VAV2: variants seen among roughly 807,000 people sequenced by gnomAD.
VAV2 encodes the protein guanine nucleotide exchange factor VAV2.
A neutral mutation model predicts 132.5 loss-of-function variants in VAV2; 67 were observed. The ratio of observed to expected loss-of-function variants is 0.51; its 90% confidence interval spans 0.42 to 0.62. The LOEUF is 0.62. VAV2 is among the 20% of genes least tolerant of loss of function. The probability of loss-of-function intolerance (pLI) is 0.00; values close to 1 mark genes in which losing one functional copy is unlikely to be tolerated. For synonymous variants in VAV2, 492 were observed against 443.5 expected, an observed-to-expected ratio of 1.11 and a Z score of -1.37; for missense variants, 938 against 1,153.6, an observed-to-expected ratio of 0.81 and a Z score of 2.71.
intron 1 of VAV2, among the ~76,000 whole-genome samples, chr9:133,968,694 G>A (rs1455381026): frequency 1.3e-5 from 2 of 152,200 alleles, no homozygotes; most frequent in Non-Finnish European, 2.9e-5. Flanking sequence ...GGGAGAGAGA[G>A]CCACCATCGG....
chr9:133,803,465 G>C (rs1835017555), intron 9 of VAV2, among the ~76,000 whole-genome samples: 1 of 151,518 alleles, frequency 6.6e-6, no homozygotes, highest in Non-Finnish European at 1.5e-5. Context: ...AGCCTGGCCA[G>C]ACCCAGCCAC....
rs1837343949 is a variant in VAV2 at position 133,855,307 on chromosome 9, G to GGAGCCTCCGGCTGA, written c.380+6053_380+6066dup. On this transcript the variant is annotated intron_variant, in intron 3 of 29. Transcript: ENST00000371850. ...GCAGAGTCTGCCAAGGCCCATTCAC[G>GGAGCCTCCGGCTGA]GAGCCTCCGGCTGAGATGTCTCACA... Among the ~76,000 whole-genome samples, 3 of 152,352 alleles carry GGAGCCTCCGGCTGA rather than the reference G, an allele frequency of 2.0e-5. No individual in the cohort carries two copies. The East Asian group carries it at 5.8e-4, about 29-fold the overall frequency.
intron 2 of VAV2, among the ~76,000 whole-genome samples, chr9:133,910,833 AAAAAGAAAAAG>A (rs1839858144): frequency 7.6e-6 from 1 of 132,408 alleles, no homozygotes; most frequent in African/African-American, 3.5e-5. Context: ...CAAAAAAAAA[AAAAAGAAAAAG>A]AAAAAGAAAA....
At position 133,802,508 on chromosome 9, in the gene VAV2, T is replaced by G. The variant is rs575075949; in HGVS notation, c.836+3573A>C. ...GGACATGGCCCCAAAGGTCTCAGTG[T>G]GGTCACCTTGCAAGGCACGGCCCGC... On this transcript the variant is annotated intron_variant, in intron 9 of 29. Transcript: ENST00000371850. The surrounding 1 kb of genome is among the most constrained non-coding windows in gnomAD (Gnocchi z 5.8). 1.3e-5 allele frequency among the ~76,000 whole-genome samples: 2 copies of G among 152,016 alleles called. No individual in the cohort carries two copies. The highest frequency in any genetic ancestry group is 4.2e-4 in the South Asian group (2 of 4,806).
In VAV2 at chr9:133,957,063, C is replaced by T. The variant is rs181608660; in HGVS notation, c.205-17844G>A. 1.6e-3 allele frequency among the ~76,000 whole-genome samples: 237 copies of T among 152,290 alleles called. No individual in the cohort carries two copies. In the Middle Eastern group the frequency reaches 0.02, roughly 13 times the overall value. Reference sequence around the variant, plus strand: ...GGGGTACCCAGGACTCTCTCCAACGCCACCAGTGTCTCTCTGGTTCCTCAC... The same window carrying T: ...GGGGTACCCAGGACTCTCTCCAACGTCACCAGTGTCTCTCTGGTTCCTCAC... On this transcript the variant is annotated intron_variant, in intron 1 of 29. Coordinates refer to ENST00000371850, the MANE Select transcript of VAV2 (RefSeq NM_001134398.2).
chr9:133,906,101 A>G (rs1028833418), intron 2 of VAV2, among the ~76,000 whole-genome samples: 2 of 152,176 alleles, frequency 1.3e-5, no homozygotes, highest in Non-Finnish European at 2.9e-5. Context: ...GACCTTCCAG[A>G]CGGTAAGTCT....
intron 3 of VAV2, among the ~76,000 whole-genome samples, chr9:133,848,001 G>C (rs1295848467): frequency 6.6e-6 from 1 of 152,204 alleles, no homozygotes; most frequent in Admixed American, 6.5e-5. Flanking sequence ...CAATGGGCCA[G>C]ACGCGGTAGC....
intron 2 of VAV2, among the ~76,000 whole-genome samples, chr9:133,871,436 T>TGGATG (rs1554796203): frequency 0.014 from 1,907 of 135,488 alleles, 31 homozygotes; most frequent in Middle Eastern, 0.02. Flanking sequence ...ATGGATGGAT[T>TGGATG]GATTGATGGA....
At chr9:133,906,628 G>A (rs1169015629) in intron 2 of VAV2, among the ~76,000 whole-genome samples, 1 of 152,130 alleles carries the variant, frequency 6.6e-6, no homozygotes, top group African/African-American at 2.4e-5. Flanking sequence ...GAGGCCAAGA[G>A]ACTGACCCCA....
At chr9:133,972,370 C>T (rs937668052) in intron 1 of VAV2, among the ~76,000 whole-genome samples, 3 of 152,200 alleles carry the variant, frequency 2.0e-5, no homozygotes, top group Non-Finnish European at 4.4e-5. Flanking sequence ...CCAGGCGCTG[C>T]GATGCTGGGG....
rs60239881 is a variant in VAV2, at chr9:133,943,265, T to C, written c.205-4046A>G. 5.0e-3 allele frequency among the ~76,000 whole-genome samples: 759 copies of C among 152,302 alleles called. 9 individuals are homozygous for C. The highest frequency in any genetic ancestry group is 0.017 in the African/African-American group (704 of 41,560). On this transcript the variant is annotated intron_variant, in intron 1 of 29. Transcript: ENST00000371850. ...AGGTCCAGGTTCTAGACAGAGACCC[T>C]GACGGTTGGCAGGGACCGGACCCAA...
At chr9:133,825,528 G>A (rs1004208556) in intron 4 of VAV2, among the ~76,000 whole-genome samples, 1 of 152,180 alleles carries the variant, frequency 6.6e-6, no homozygotes, top group Non-Finnish European at 1.5e-5. Context: ...AACATAAGGT[G>A]TCCCAAACCC....
rs957228059 is a variant in VAV2 at position 133,879,342 on chromosome 9, G to A, written c.322-17910C>T. Among the ~76,000 whole-genome samples the A allele has an allele frequency of 6.6e-6, 1 of 152,126 alleles. No homozygotes were observed. The highest frequency in any genetic ancestry group is 2.4e-5 in the African/African-American group (1 of 41,424). On this transcript the variant is annotated intron_variant, in intron 2 of 29. Coordinates refer to ENST00000371850, the MANE Select transcript of VAV2 (RefSeq NM_001134398.2). The surrounding 1 kb of genome is among the most constrained non-coding windows in gnomAD (Gnocchi z 4.4). ...GATCAATGCCGCAGGGTAAAGAACA[G>A]AGCAGCTGGGAAGCAGGGGAGTCCA... is the stretch of plus-strand genomic sequence containing the variant.
At chr9:133,845,603 G>A (rs1251600825) in intron 3 of VAV2, among the ~76,000 whole-genome samples, 2 of 152,210 alleles carry the variant, frequency 1.3e-5, no homozygotes, top group Non-Finnish European at 2.9e-5. Context: ...GGTGGCCGAG[G>A]CCTTGGCAGT....
rs1168963554 is a variant in VAV2, at chr9:133,806,142, C to T, written c.775G>A (p.Asp259Asn). ...CTGCCCCCCACCATCACGGACACGT[C>T]GATGGCCCTCAGGAAGCTGTGATGC... ...KVHHSFLRAI[D>N]VSVMVGGSTL... Residue 259 changes from aspartate (D) to asparagine (N), a missense_variant, in exon 9 of 30, where the codon GAC (aspartate) becomes AAC (asparagine). By Grantham distance (23) the Asp-to-Asn change is conservative. Transcript: ENST00000371850. 2.5e-6 allele frequency: 4 copies of T among 1,612,838 alleles called. No individual in the cohort carries two copies. The African/African-American group carries it at 4.0e-5, about 16-fold the overall frequency.
chr9:133,818,131 G>A (rs1053012634), intron 4 of VAV2, among the ~76,000 whole-genome samples: 6 of 152,134 alleles, frequency 3.9e-5, no homozygotes, highest in African/African-American at 7.2e-5. Context: ...TTGGGGGGCC[G>A]AGGTGGGCAG....
At chr9:133,874,557 C>T (rs1464934533) in intron 2 of VAV2, among the ~76,000 whole-genome samples, 1 of 152,194 alleles carries the variant, frequency 6.6e-6, no homozygotes, top group African/African-American at 2.4e-5. Context: ...AAGAATCCCA[C>T]AGGAAGCTCA....
intron 2 of VAV2, among the ~76,000 whole-genome samples, chr9:133,908,079 C>T (rs803437): frequency 0.55 from 67,285 of 123,088 alleles, 19,470 homozygotes; most frequent in East Asian, 0.71. Flanking sequence ...TCTGCCTTCC[C>T]CCAGAGAGTG....
In VAV2 at chr9:133,768,588, G is replaced by T; in HGVS notation, c.2443C>A (p.Pro815Thr). 1 of 1,613,740 alleles carries T rather than the reference G, an allele frequency of 6.2e-7. No individual in the cohort carries two copies. The highest frequency in any genetic ancestry group is 8.5e-7 in the Non-Finnish European group (1 of 1,179,898). Residue 815 changes from proline to threonine, a missense_variant, in exon 29 of 30, where the codon CCC (proline) becomes ACC (threonine). Physicochemically the swap from Pro to Thr is conservative, Grantham distance 38. Coordinates refer to ENST00000371850, the MANE Select transcript of VAV2 (RefSeq NM_001134398.2). This position sits in a 1 kb window ranked among gnomAD's most constrained non-coding sequence, Gnocchi z 5.3. ...GCCACAGCTGTGCCGATGACGCGGG[G>T]CGTGAACACTGTTGAGGGAGATGGG... ...PSAPFWSVFT[P>T]RVIGTAVARY...
Sources: gnomAD v4.1 joint callset for allele counts (sites outside exome capture counted in the v4.1 genomes callset) on GRCh38, gnomAD v4.1.1 for gene constraint, Gnocchi (gnomAD v3.1) non-coding constraint, MANE v1.5 for transcripts, NCBI Gene and HGNC (gene_info 2026-07-23, HGNC 2026-07-21) for gene names.